The following ADGB variants were observed in gnomAD, a reference collection of about 807,000 sequenced individuals.
The protein encoded by ADGB is calpain-7-like protein.
ADGB carries 172 observed loss-of-function variants against 210.5 expected under a neutral mutation model. That is an observed-to-expected ratio of 0.82 (90% CI 0.72 to 0.93). ADGB has a LOEUF of 0.93. ADGB is among the 40% of genes least tolerant of loss of function. ADGB has a pLI of 0.00. For missense variants in ADGB, 2,025 were observed against 1,964.8 expected (o/e 1.03, Z -0.58); for synonymous variants, 658 against 662.7 (o/e 0.99, Z 0.11).
intron 18 of ADGB, chr6:146,725,245 A>G (rs1030968163): frequency 2.6e-5 from 4 of 152,184 alleles, no homozygotes; most frequent in Non-Finnish European, 4.4e-5. Flanking sequence ...TTTTCCCCCC[A>G]CAGAACCTAA....
chr6:146,801,324 G>A (rs1778128665), intron 34 of ADGB, 45 bp downstream of exon 34: 8 of 1,160,710 alleles, frequency 6.9e-6, no homozygotes, highest in South Asian at 1.8e-5. Flanking sequence ...TGTGTGTTTT[G>A]TTAAATCGAT....
intron 33 of ADGB, among the ~76,000 whole-genome samples, chr6:146,797,188 CA>C (rs959536287): frequency 8.6e-5 from 13 of 151,876 alleles, no homozygotes; most frequent in African/African-American, 2.9e-4. Flanking sequence ...ATCAAAAAAA[CA>C]AAAAGTAATA....
intron 12 of ADGB, among the ~76,000 whole-genome samples, chr6:146,699,712 T>C (rs896856404): frequency 1.3e-5 from 2 of 150,764 alleles, no homozygotes; most frequent in East Asian, 2.0e-4. Flanking sequence ...ATAATTTTTG[T>C]TTATCTCTCA....
chr6:146,665,432 C>A (rs945747781), intron 6 of ADGB, among the ~76,000 whole-genome samples: 1 of 151,984 alleles, frequency 6.6e-6, no homozygotes, highest in Non-Finnish European at 1.5e-5. Flanking sequence ...CAGCCCAGAT[C>A]TTTGTAGGTA....
At chr6:146,704,135 C>A (rs1180718235) in intron 13 of ADGB, among the ~76,000 whole-genome samples, 3 of 151,836 alleles carry the variant, frequency 2.0e-5, no homozygotes, top group Non-Finnish European at 4.4e-5. Flanking sequence ...TATTCAGATT[C>A]TTCGCTCATT....
chr6:146,803,120 G>T, intron 35 of ADGB: 1 of 1,483,674 alleles, frequency 6.7e-7, no homozygotes. Context: ...GCACAGGAAG[G>T]CAATCTACCA....
intron 26 of ADGB, among the ~76,000 whole-genome samples, chr6:146,747,123 A>G (rs1342115970): frequency 6.6e-6 from 1 of 152,158 alleles, no homozygotes; most frequent in Non-Finnish European, 1.5e-5. Context: ...GGCAAGAATC[A>G]TTTATTTTCA....
intron 1 of ADGB, among the ~76,000 whole-genome samples, chr6:146,632,317 G>C (rs1308707324): frequency 1.3e-5 from 2 of 152,024 alleles, no homozygotes; most frequent in South Asian, 4.2e-4. Context: ...TTCCCTTTTT[G>C]CTTTCTTCAG....
chr6:146,815,381 T>C lies in ADGB; in HGVS notation c.*164T>C. On this transcript the variant is annotated 3_prime_UTR_variant, in exon 36 of 36. Coordinates refer to ENST00000397944, the MANE Select transcript of ADGB (RefSeq NM_024694.4). The stretch of plus-strand genomic sequence containing the variant: ...TTAGTTTTCCTCAGAAAGCTAGTAT[T>C]TGAAGCCATTTGAGTTTAAGATGCT... 2.1e-6 allele frequency: 1 copy of C among 478,162 alleles called. No homozygotes were observed. The highest frequency in any genetic ancestry group is 3.4e-6 in the Non-Finnish European group (1 of 290,622). The allele number at this position is 478,162 out of a possible 1,614,324, so 29.6% of individuals were successfully genotyped here. A position where few individuals can be genotyped will look rare whatever the true frequency, so the allele number is the denominator to read the frequency against.
At chr6:146,733,813 C>T in intron 21 of ADGB, 80 bp from the exon 22 acceptor site, 1 of 1,455,096 alleles carries the variant, frequency 6.9e-7, no homozygotes, top group Non-Finnish European at 9.4e-7. Flanking sequence ...TGTTGGAGGG[C>T]TTTGGCAGCT....
intron 1 of ADGB, among the ~76,000 whole-genome samples, chr6:146,607,003 A>G (rs1298503339): frequency 6.6e-6 from 1 of 152,180 alleles, no homozygotes; most frequent in Non-Finnish European, 1.5e-5. Flanking sequence ...TGGTCATTTT[A>G]ACAATGTTGA....
At chr6:146,745,319 A>T (rs1777212800) in intron 25 of ADGB, among the ~76,000 whole-genome samples, 3 of 152,148 alleles carry the variant, frequency 2.0e-5, no homozygotes, top group Admixed American at 6.6e-5. Flanking sequence ...CTTTTTAGTC[A>T]GCTATCCAAT....
chr6:146,608,376 A>G (rs1780660500), intron 1 of ADGB, among the ~76,000 whole-genome samples: 1 of 151,810 alleles, frequency 6.6e-6, no homozygotes, highest in Non-Finnish European at 1.5e-5. Context: ...CATTTGTTTC[A>G]GCACATCTCT....
chr6:146,688,102 C>T (rs371869676), intron 10 of ADGB, among the ~76,000 whole-genome samples: 346 of 152,104 alleles, frequency 2.3e-3, no homozygotes, highest in Non-Finnish European at 4.0e-3. Flanking sequence ...TCTGAAGATA[C>T]AATGATAAGC....
At chr6:146,811,141 C>T (rs1778296794) in intron 35 of ADGB, among the ~76,000 whole-genome samples, 1 of 152,074 alleles carries the variant, frequency 6.6e-6, no homozygotes, top group Non-Finnish European at 1.5e-5. Flanking sequence ...AACCTTATGA[C>T]CCCAGCTCCC....
intron 2 of ADGB, among the ~76,000 whole-genome samples, chr6:146,643,321 C>T (rs1775546148): frequency 6.6e-6 from 1 of 151,854 alleles, no homozygotes; most frequent in South Asian, 2.1e-4. Flanking sequence ...GCCACACCGG[C>T]CTTAGGGTAA....
chr6:146,623,511 A>G (rs1780926086), intron 1 of ADGB, among the ~76,000 whole-genome samples: 1 of 151,900 alleles, frequency 6.6e-6, no homozygotes, highest in African/African-American at 2.4e-5. Context: ...GTCAGTGCAC[A>G]AAAGTTCAAT....
At chr6:146,615,424 A>G (rs534257848) in intron 1 of ADGB, among the ~76,000 whole-genome samples, 1 of 152,316 alleles carries the variant, frequency 6.6e-6, no homozygotes, top group Non-Finnish European at 1.5e-5. Context: ...CATTTATTGT[A>G]TCTTTGTGTT....
chr6:146,756,175 T>C (rs1423916877), intron 27 of ADGB, among the ~76,000 whole-genome samples: 1 of 152,096 alleles, frequency 6.6e-6, no homozygotes, highest in Non-Finnish European at 1.5e-5. Flanking sequence ...TCCAGTGTTC[T>C]ATCCAGGAAC....
Sources: allele counts gnomAD v4.1 joint callset (sites outside exome capture counted in the v4.1 genomes callset), GRCh38; gene constraint gnomAD v4.1.1; transcripts MANE v1.5; gene names NCBI Gene and HGNC (gene_info 2026-07-23, HGNC 2026-07-21).